NEGR1: variants seen among roughly 807,000 people sequenced by gnomAD.
The protein encoded by NEGR1 is IgLON family member 4.
A neutral mutation model predicts 40.9 loss-of-function variants in NEGR1; 10 were observed. The observed-to-expected ratio is 0.24, with a 90% confidence interval of 0.15 to 0.42. NEGR1 has a LOEUF of 0.42. Among genes scored for constraint, NEGR1 ranks in the 10% least tolerant of loss-of-function variants. NEGR1 has a pLI of 1.00. For synonymous variants in NEGR1, 185 were observed against 166.8 expected (o/e 1.11, Z -0.84); for missense variants, 352 against 438.9 (o/e 0.80, Z 1.77).
At chr1:71,664,174 A>G (rs1570169652) in intron 4 of NEGR1, among the ~76,000 whole-genome samples, 1 of 152,170 alleles carries the variant, frequency 6.6e-6, no homozygotes, top group Admixed American at 6.5e-5. Flanking sequence ...AGATCCTTGC[A>G]TCTGTACCAC....
intron 6 of NEGR1, among the ~76,000 whole-genome samples, chr1:71,544,584 A>C (rs1475954219): frequency 6.6e-6 from 1 of 151,776 alleles, no homozygotes; most frequent in Non-Finnish European, 1.5e-5. Context: ...TAAAGATCTT[A>C]GTGCCTGGCA....
At chr1:71,480,410 C>T (rs1275292937) in intron 6 of NEGR1, among the ~76,000 whole-genome samples, 1 of 151,810 alleles carries the variant, frequency 6.6e-6, no homozygotes. Context: ...TCCTCTTTCT[C>T]CTTTTCTCTA....
chr1:71,528,098 A>G lies in NEGR1; in HGVS notation c.940+64719T>C, dbSNP rs191608782. ...TGAAATCATCTGGCATACATGGAAG[A>G]CCTGCTAAATACTAAGCACTCTATT... On this transcript the variant is annotated intron_variant, in intron 6 of 6. Transcript: ENST00000357731. 1.2e-3 allele frequency among the ~76,000 whole-genome samples: 189 copies of G among 151,504 alleles called. 1 individual carries two copies. The highest frequency in any genetic ancestry group is 2.0e-3 in the Non-Finnish European group (132 of 67,530).
chr1:71,544,755 T>C (rs1647832204), intron 6 of NEGR1, among the ~76,000 whole-genome samples: 1 of 151,634 alleles, frequency 6.6e-6, no homozygotes, highest in Non-Finnish European at 1.5e-5. Flanking sequence ...ATGGATGAGA[T>C]GGTATCAATG....
chr1:71,642,345 T>C (rs1651380794), intron 4 of NEGR1, among the ~76,000 whole-genome samples: 1 of 149,398 alleles, frequency 6.7e-6, no homozygotes, highest in South Asian at 2.1e-4. Flanking sequence ...GAAGAATGAA[T>C]GAAGTGTAAT....
intron 2 of NEGR1, among the ~76,000 whole-genome samples, chr1:71,848,842 C>A (rs1659506077): frequency 6.6e-6 from 1 of 152,090 alleles, no homozygotes; most frequent in South Asian, 2.1e-4. Context: ...AATCCCAGCA[C>A]TTTGGGAGGC....
intron 6 of NEGR1, among the ~76,000 whole-genome samples, chr1:71,587,688 A>G (rs986333188): frequency 1.5e-5 from 2 of 134,750 alleles, no homozygotes; most frequent in African/African-American, 5.3e-5. Context: ...ACACACACAC[A>G]CAGATATCCC....
chr1:71,407,380 A>G lies in NEGR1; in HGVS notation c.*66T>C. 1.3e-6 allele frequency: 2 copies of G among 1,510,168 alleles called. No homozygotes were observed. The highest frequency in any genetic ancestry group is 1.8e-6 in the Non-Finnish European group (2 of 1,095,842). The allele number at this position is 1,510,168 out of a possible 1,614,324, so 93.5% of individuals were successfully genotyped here. ...TCCCACGCTGCTTTTAACAAACTGT[A>G]CCAGATTGGATCCAGCCATCAGCAC... On this transcript the variant is annotated 3_prime_UTR_variant, in exon 7 of 7. Coordinates refer to ENST00000357731, the MANE Select transcript of NEGR1 (RefSeq NM_173808.3).
chr1:72,271,176 C>A (rs1214983885), intron 1 of NEGR1, among the ~76,000 whole-genome samples: 1 of 151,750 alleles, frequency 6.6e-6, no homozygotes, highest in Non-Finnish European at 1.5e-5. Flanking sequence ...ATAAACTTTG[C>A]AAATAAGCAA....
intron 4 of NEGR1, among the ~76,000 whole-genome samples, chr1:71,661,645 T>G (rs1652057898): frequency 6.6e-6 from 1 of 152,216 alleles, no homozygotes; most frequent in Non-Finnish European, 1.5e-5. Context: ...AATAAGTACA[T>G]GTTCAAAGTC....
At chr1:72,102,042 C>T (rs1307945110) in intron 1 of NEGR1, among the ~76,000 whole-genome samples, 1 of 152,004 alleles carries the variant, frequency 6.6e-6, no homozygotes, top group East Asian at 1.9e-4. Flanking sequence ...AATTGTTATG[C>T]TGACTCTGCA....
intron 2 of NEGR1, among the ~76,000 whole-genome samples, chr1:71,780,034 GAAAACCAAAAAA>G (rs1557649732): frequency 1.7e-5 from 1 of 60,486 alleles, no homozygotes; most frequent in Admixed American, 2.3e-4. Context: ...ACTTGCATAG[GAAAACCAAAAAA>G]AAAAAAAAAA....
intron 4 of NEGR1, among the ~76,000 whole-genome samples, chr1:71,632,899 G>C (rs1169350496): frequency 6.6e-6 from 1 of 151,944 alleles, no homozygotes; most frequent in East Asian, 1.9e-4. Flanking sequence ...TTACAGGCTA[G>C]ATAAAAATAA....
chr1:72,275,314 A>C (rs934290198), intron 1 of NEGR1, among the ~76,000 whole-genome samples: 5 of 152,092 alleles, frequency 3.3e-5, no homozygotes, highest in African/African-American at 1.2e-4. Context: ...TTTGATAATG[A>C]TTATGACTGT....
chr1:71,837,443 G>A (rs1428960931), intron 2 of NEGR1, among the ~76,000 whole-genome samples: 1 of 152,030 alleles, frequency 6.6e-6, no homozygotes, highest in African/African-American at 2.4e-5. Context: ...CTTGAACACT[G>A]ACATGGTATT....
chr1:71,979,004 C>T (rs1319054893), intron 1 of NEGR1, among the ~76,000 whole-genome samples: 4 of 152,038 alleles, frequency 2.6e-5, no homozygotes, highest in African/African-American at 9.7e-5. Context: ...TACATATACA[C>T]TATAAAATAC....
chr1:71,729,662 A>G (rs750149431), intron 3 of NEGR1, among the ~76,000 whole-genome samples: 1 of 151,888 alleles, frequency 6.6e-6, no homozygotes, highest in Non-Finnish European at 1.5e-5. Context: ...TTTTAGACAG[A>G]GTGTTGCTAT....
At chr1:71,443,127 G>A (rs547773448) in intron 6 of NEGR1, among the ~76,000 whole-genome samples, 3 of 152,218 alleles carry the variant, frequency 2.0e-5, no homozygotes, top group Admixed American at 1.3e-4. Context: ...TTCTTCATTC[G>A]CTTTAGCTAT....
intron 1 of NEGR1, among the ~76,000 whole-genome samples, chr1:72,149,122 G>A (rs1319095163): frequency 2.6e-5 from 4 of 152,118 alleles, no homozygotes; most frequent in Non-Finnish European, 2.9e-5. Flanking sequence ...ACATGGCTGG[G>A]GAGGCCTCAG....
Sources: gnomAD v4.1 joint callset for allele counts (sites outside exome capture counted in the v4.1 genomes callset) on GRCh38, gnomAD v4.1.1 for gene constraint, MANE v1.5 for transcripts, NCBI Gene and HGNC (gene_info 2026-07-23, HGNC 2026-07-21) for gene names.